Variants in COL21A1 observed in about 807,000 individuals in gnomAD.
The protein encoded by COL21A1 is collagen type XXI alpha 1 chain, also known as collagen alpha-1(XXI) chain.
In COL21A1, 149 loss-of-function variants were observed where a neutral mutation model predicts 137.9. That is an observed-to-expected ratio of 1.08 (90% CI 0.95 to 1.24). The LOEUF (loss-of-function observed/expected upper bound fraction) is 1.24. Ranked by LOEUF, COL21A1 falls within the 50% of genes most tolerant of loss-of-function variation. COL21A1 has a pLI of 0.00. For synonymous variants in COL21A1, 456 were observed against 391.5 expected, an observed-to-expected ratio of 1.16 and a Z score of -1.95; for missense variants, 1,167 against 1,158.4, an observed-to-expected ratio of 1.01 and a Z score of -0.11.
intron 20 of COL21A1, among the ~76,000 whole-genome samples, 190 bp from the exon 21 acceptor site, chr6:56,070,988 C>T (rs1240166239): frequency 2.6e-5 from 4 of 151,442 alleles, no homozygotes; most frequent in Non-Finnish European, 5.9e-5. Context: ...GGAAGGGGTT[C>T]CACATATTCA....
intron 1 of COL21A1, among the ~76,000 whole-genome samples, chr6:56,185,170 TAAAAAAGTAGA>T (rs1330273155): frequency 2.0e-5 from 3 of 148,834 alleles, no homozygotes; most frequent in African/African-American, 4.9e-5. Flanking sequence ...AAAACTACAA[TAAAAAAGTAGA>T]AAAAAAGTAG....
At chr6:56,190,713 C>G (rs1778612809) in intron 1 of COL21A1, among the ~76,000 whole-genome samples, 1 of 152,138 alleles carries the variant, frequency 6.6e-6, no homozygotes, top group African/African-American at 2.4e-5. Flanking sequence ...CAAACCGAAC[C>G]CAGCAGCACA....
rs1769996500 is a variant in COL21A1, at chr6:56,098,576, A to AAATATATATAAAT, written c.1812+2895_1812+2896insATTTATATATATT. Among the ~76,000 whole-genome samples the AAATATATATAAAT allele has an allele frequency of 1.8e-3, 14 of 7,748 alleles. 1 individual carries two copies. The highest frequency in any genetic ancestry group is 1.7e-3 in the Non-Finnish European group (7 of 4,210). 5.1% of individuals were successfully genotyped at this position (7,748 alleles called of 152,430 possible). A position where few individuals can be genotyped will look rare whatever the true frequency, so the allele number is the denominator to read the frequency against. ...ATATATAAATATATAAATATATATA[A>AAATATATATAAAT]ATATATATAAATATATAAATATATA... On this transcript the variant is annotated intron_variant, in intron 17 of 29. Coordinates refer to ENST00000244728, the MANE Select transcript of COL21A1 (RefSeq NM_030820.4).
At chr6:56,098,322 T>A in intron 17 of COL21A1, among the ~76,000 whole-genome samples, 1 of 58,078 alleles carries the variant, frequency 1.7e-5, no homozygotes, top group African/African-American at 7.7e-5. Context: ...TAAATATATA[T>A]AAATATATAA....
chr6:56,084,561 T>G (rs1286714823), intron 17 of COL21A1, among the ~76,000 whole-genome samples: 2 of 151,910 alleles, frequency 1.3e-5, no homozygotes, highest in African/African-American at 4.8e-5. Flanking sequence ...AATAAATATA[T>G]GTAAGAAGTG....
chr6:56,226,950 C>T (rs1422663414), intron 1 of COL21A1, among the ~76,000 whole-genome samples: 2 of 151,654 alleles, frequency 1.3e-5, no homozygotes, highest in East Asian at 1.9e-4. Context: ...ATAGGGGGAG[C>T]CCACAAACAG....
At chr6:56,220,432 A>C (rs1011693657) in intron 1 of COL21A1, among the ~76,000 whole-genome samples, 2 of 152,192 alleles carry the variant, frequency 1.3e-5, no homozygotes, top group Non-Finnish European at 2.9e-5. Flanking sequence ...AAATTGCTGA[A>C]CAATATCAGT....
Position 56,390,747 on chromosome 6 carries a change from A to C in COL21A1, c.-39+3224T>G, listed in dbSNP as rs555428613. The stretch of plus-strand genomic sequence containing the variant: ...CAAACAAGGTCATTATATAATGATA[A>C]AGGGGTCAATTCAGCAAGAAGATAT... On this transcript the variant is annotated intron_variant, in intron 1 of 28. Transcript: ENST00000370819. Among the ~76,000 whole-genome samples the C allele has an allele frequency of 6.7e-4, 102 of 152,308 alleles. No individual in the cohort carries two copies. The South Asian group carries it at 7.3e-3, about 11-fold the overall frequency.
At chr6:56,225,038 GA>G (rs144784570) in intron 1 of COL21A1, among the ~76,000 whole-genome samples, 2 of 151,290 alleles carry the variant, frequency 1.3e-5, no homozygotes, top group African/African-American at 4.9e-5. Context: ...GACCCTCCAG[GA>G]AAAAAAAGTC....
At chr6:56,324,979 G>A (rs1430406913) in intron 1 of COL21A1, among the ~76,000 whole-genome samples, 1 of 151,388 alleles carries the variant, frequency 6.6e-6, no homozygotes, top group East Asian at 2.0e-4. Flanking sequence ...CAAAGAATAT[G>A]AACAAACAGA....
chr6:56,253,373 G>A (rs1003379942), intron 1 of COL21A1, among the ~76,000 whole-genome samples: 2 of 152,144 alleles, frequency 1.3e-5, no homozygotes, highest in African/African-American at 4.8e-5. Context: ...ACCCAAATGG[G>A]GCCAGTTAGA....
chr6:56,259,981 A>ACTC (rs1270786473), intron 1 of COL21A1, among the ~76,000 whole-genome samples: 37 of 152,194 alleles, frequency 2.4e-4, no homozygotes, highest in African/African-American at 8.9e-4. Flanking sequence ...TTATTGAGGA[A>ACTC]AGAAAGCATG....
chr6:56,117,232 A>G (rs954668813), intron 16 of COL21A1, among the ~76,000 whole-genome samples: 11 of 151,946 alleles, frequency 7.2e-5, no homozygotes, highest in Non-Finnish European at 1.5e-4. Flanking sequence ...ACACACATAG[A>G]CTAAAAATAA....
At chr6:56,303,202 T>G (rs1278434617) in intron 1 of COL21A1, among the ~76,000 whole-genome samples, 7 of 152,352 alleles carry the variant, frequency 4.6e-5, no homozygotes, top group Non-Finnish European at 1.0e-4. Context: ...AGGATTGACT[T>G]GGCAATGTGG....
chr6:56,084,821 C>T (rs537810879), intron 17 of COL21A1, among the ~76,000 whole-genome samples: 1 of 152,032 alleles, frequency 6.6e-6, no homozygotes, highest in Non-Finnish European at 1.5e-5. Context: ...ACTAGAACAA[C>T]TGGAAAGAAT....
At chr6:56,294,610 G>A (rs1423836206) in intron 1 of COL21A1, among the ~76,000 whole-genome samples, 3 of 151,948 alleles carry the variant, frequency 2.0e-5, no homozygotes, top group Admixed American at 2.0e-4. Context: ...TTTACATTAG[G>A]GGTCACTGTT....
At chr6:56,256,740 C>T (rs1162809598) in intron 1 of COL21A1, among the ~76,000 whole-genome samples, 1 of 151,914 alleles carries the variant, frequency 6.6e-6, no homozygotes, top group Admixed American at 6.6e-5. Context: ...GGTTATGAGG[C>T]CCCTTTCATG....
intron 1 of COL21A1, among the ~76,000 whole-genome samples, chr6:56,355,081 T>C (rs924392170): frequency 2.0e-5 from 3 of 151,962 alleles, no homozygotes; most frequent in Non-Finnish European, 4.4e-5. Context: ...TTATACTGGC[T>C]AATTAACTAA....
intron 12 of COL21A1, among the ~76,000 whole-genome samples, chr6:56,128,407 T>C (rs946891134): frequency 6.6e-6 from 1 of 152,178 alleles, no homozygotes; most frequent in Non-Finnish European, 1.5e-5. Flanking sequence ...TTCTTTATTG[T>C]CAGCTCATAT....
Sources: allele counts gnomAD v4.1 joint callset (sites outside exome capture counted in the v4.1 genomes callset), GRCh38; gene constraint gnomAD v4.1.1; transcripts MANE v1.5; gene names NCBI Gene and HGNC (gene_info 2026-07-23, HGNC 2026-07-21).